ETV6: variants seen among roughly 807,000 people sequenced by gnomAD.
The protein encoded by ETV6 is ETS variant transcription factor 6.
In ETV6, 16 loss-of-function variants were observed where a neutral mutation model predicts 51.1. The observed-to-expected ratio is 0.31, with a 90% confidence interval of 0.21 to 0.48. The LOEUF is 0.48. ETV6 is among the 20% of genes least tolerant of loss of function. The probability of loss-of-function intolerance (pLI) is 0.99; values close to 1 mark genes in which losing one functional copy is unlikely to be tolerated. For synonymous variants in ETV6, 240 were observed against 224.1 expected (o/e 1.07, Z -0.64); for missense variants, 458 against 594.8 (o/e 0.77, Z 2.39).
intron 7 of ETV6, among the ~76,000 whole-genome samples, chr12:11,889,453 G>A (rs1010241895): frequency 6.6e-6 from 1 of 152,190 alleles, no homozygotes; most frequent in Non-Finnish European, 1.5e-5. Context: ...ATCAAGTGAG[G>A]TGTTGAATTG....
chr12:11,714,785 G>A (rs182939320), intron 1 of ETV6, among the ~76,000 whole-genome samples: 85 of 152,294 alleles, frequency 5.6e-4, no homozygotes, highest in African/African-American at 1.9e-3. Flanking sequence ...AGGAGGGCAG[G>A]GGCATGTGAG....
intron 1 of ETV6, among the ~76,000 whole-genome samples, chr12:11,710,933 C>T (rs541994765): frequency 1.3e-5 from 2 of 152,256 alleles, no homozygotes; most frequent in South Asian, 4.2e-4. Flanking sequence ...CTGGAGGCTG[C>T]AGGATAGCCC....
chr12:11,706,832 G>C (rs1375819649), intron 1 of ETV6, among the ~76,000 whole-genome samples: 1 of 152,240 alleles, frequency 6.6e-6, no homozygotes, highest in African/African-American at 2.4e-5. Context: ...GAATCGAGGT[G>C]AAATCTTTAC....
At chr12:11,791,542 G>C (rs2723824) in intron 2 of ETV6, among the ~76,000 whole-genome samples, 103,780 of 152,096 alleles carry the variant, frequency 0.68, 35,465 homozygotes, top group Non-Finnish European at 0.73. Context: ...CTGTAAGGTC[G>C]TGCATAAGGG....
chr12:11,883,558 G>A (rs1421459737), intron 5 of ETV6, among the ~76,000 whole-genome samples: 1 of 151,934 alleles, frequency 6.6e-6, no homozygotes, highest in African/African-American at 2.4e-5. Context: ...GCTTCCCAAA[G>A]TGCTGGGATT....
intron 2 of ETV6, among the ~76,000 whole-genome samples, chr12:11,790,081 A>G (rs541995988): frequency 1.6e-5 from 2 of 124,494 alleles, no homozygotes; most frequent in East Asian, 4.7e-4. Context: ...AGATTCCTCA[A>G]CCTTTTTTGT....
At chr12:11,824,033 C>T (rs1295233082) in intron 2 of ETV6, among the ~76,000 whole-genome samples, 1 of 152,188 alleles carries the variant, frequency 6.6e-6, no homozygotes, top group African/African-American at 2.4e-5. Flanking sequence ...AACCCAGCAG[C>T]GATTCACTAG....
At chr12:11,772,872 T>C (rs1369639302) in intron 2 of ETV6, among the ~76,000 whole-genome samples, 2 of 152,168 alleles carry the variant, frequency 1.3e-5, no homozygotes, top group Non-Finnish European at 2.9e-5. Context: ...AAGATTGGTC[T>C]CGGGAAGGTC....
intron 4 of ETV6, among the ~76,000 whole-genome samples, chr12:11,855,601 A>C (rs1366237140): frequency 3.3e-5 from 5 of 152,216 alleles, no homozygotes; most frequent in Admixed American, 2.0e-4. Context: ...CCAAAAAATG[A>C]GAAGTTTCTT....
intron 4 of ETV6, among the ~76,000 whole-genome samples, chr12:11,865,625 AAGTATATACTTATATAGTATT>A (rs1407378067): frequency 6.7e-6 from 1 of 148,380 alleles, no homozygotes; most frequent in East Asian, 1.9e-4. Context: ...TATACTATGT[AAGTATATACTTATATAGTATT>A]AGTATATACT....
At chr12:11,651,879 C>G (rs577713955) in intron 1 of ETV6, among the ~76,000 whole-genome samples, 13 of 152,222 alleles carry the variant, frequency 8.5e-5, no homozygotes, top group Admixed American at 8.5e-4. Context: ...TTTCTTGATC[C>G]TCTTCTATAC....
chr12:11,884,337 C>T (rs2136594536), intron 5 of ETV6, 108 bp from the exon 6 acceptor site: 4 of 1,241,540 alleles, frequency 3.2e-6, no homozygotes, highest in Non-Finnish European at 4.6e-6. Context: ...GACAATCAGT[C>T]AACCCAAGCT....
chr12:11,854,916 T>C (rs779494544), intron 4 of ETV6, among the ~76,000 whole-genome samples: 19 of 152,092 alleles, frequency 1.2e-4, no homozygotes, highest in Non-Finnish European at 1.3e-4. Context: ...CTCTTAATCA[T>C]TGGTAGAAAG....
intron 2 of ETV6, among the ~76,000 whole-genome samples, chr12:11,801,026 G>C (rs1396968223): frequency 6.6e-6 from 1 of 152,174 alleles, no homozygotes; most frequent in Admixed American, 6.5e-5. Flanking sequence ...TTACATCATG[G>C]TTTTAAAATT....
intron 7 of ETV6, 69 bp from the exon 8 acceptor site, chr12:11,890,871 GC>G (rs775611756): frequency 2.5e-4 from 283 of 1,154,300 alleles, no homozygotes; most frequent in Non-Finnish European, 3.3e-4. Context: ...TTATATACAG[GC>G]TAGAGTTCAG....
intron 2 of ETV6, among the ~76,000 whole-genome samples, chr12:11,802,367 C>T (rs1022660803): frequency 2.0e-5 from 3 of 152,190 alleles, no homozygotes; most frequent in Non-Finnish European, 4.4e-5. Flanking sequence ...GTACCTGCAG[C>T]GACATACTAG....
chr12:11,891,142 G>C lies in ETV6; in HGVS notation c.*96G>C. 1.0e-6 allele frequency: 1 copy of C among 998,106 alleles called. No homozygotes were observed. Among genetic ancestry groups the C allele is most frequent in the Non-Finnish European group, 1.5e-6 (1 of 652,846 alleles). The allele number at this position is 998,106 out of a possible 1,614,324, so 61.8% of individuals were successfully genotyped here. On this transcript the variant is annotated 3_prime_UTR_variant, in exon 8 of 8. Coordinates refer to ENST00000396373, the MANE Select transcript of ETV6 (RefSeq NM_001987.5). Reference sequence around the variant, plus strand: ...TGACGGAGCAGGCGGGCTGAGGAGAGTGGAAAAGGAAGCGACCCAGAAATG... The same window carrying C: ...TGACGGAGCAGGCGGGCTGAGGAGACTGGAAAAGGAAGCGACCCAGAAATG...
At chr12:11,677,945 T>C (rs1864452905) in intron 1 of ETV6, among the ~76,000 whole-genome samples, 1 of 152,192 alleles carries the variant, frequency 6.6e-6, no homozygotes, top group Non-Finnish European at 1.5e-5. Context: ...CCTCGTGCAG[T>C]TCTCTGCTTG....
intron 7 of ETV6, among the ~76,000 whole-genome samples, chr12:11,889,008 A>AT (rs1228330959): frequency 1.3e-5 from 2 of 151,238 alleles, no homozygotes; most frequent in African/African-American, 4.9e-5. Flanking sequence ...AGAGGATTCT[A>AT]TTTTTTATCA....
Sources: allele counts gnomAD v4.1 joint callset (sites outside exome capture counted in the v4.1 genomes callset), GRCh38; gene constraint gnomAD v4.1.1; transcripts MANE v1.5; gene names NCBI Gene and HGNC (gene_info 2026-07-23, HGNC 2026-07-21).